Variants in PCDHAC1 observed in about 807,000 individuals in gnomAD.
PCDHAC1 encodes the protein protocadherin alpha-C1.
Under a neutral mutation model 60.0 loss-of-function variants are expected in PCDHAC1, and 42 were observed. That is an observed-to-expected ratio of 0.70 (90% CI 0.55 to 0.90). The LOEUF is 0.90. Among genes scored for constraint, PCDHAC1 ranks in the 40% least tolerant of loss-of-function variants. The probability of loss-of-function intolerance (pLI) is 0.00; values close to 1 mark genes in which losing one functional copy is unlikely to be tolerated. For missense variants in PCDHAC1, 1,160 were observed against 1,222.3 expected (o/e 0.95, Z 0.76); for synonymous variants, 468 against 499.3 (o/e 0.94, Z 0.84).
chr5:141,002,917 T>C (rs572461368), intron 3 of PCDHAC1, among the ~76,000 whole-genome samples: 1 of 152,310 alleles, frequency 6.6e-6, no homozygotes, highest in East Asian at 1.9e-4. Context: ...ATCAGAAAAG[T>C]GAACACCCTC....
chr5:140,979,306 C>T (rs1554240481), intron 2 of PCDHAC1, among the ~76,000 whole-genome samples: 1 of 152,206 alleles, frequency 6.6e-6, no homozygotes, highest in African/African-American at 2.4e-5. Context: ...CTTCATCCCT[C>T]TCTACCTATG....
rs1486746921 is a variant in PCDHAC1 at position 141,009,728 on chromosome 5, G to A, written c.2683G>A (p.Gly895Ser). Residue 895 changes from glycine (G) to serine (S), a missense_variant, in exon 4 of 4, where the codon GGT becomes AGT. Gly to Ser is a moderately conservative substitution (Grantham distance 56). Around this residue, in one of 3 missense-constraint regions of PCDHAC1, gnomAD observed 1,113 missense variants for 1,163.7 expected, o/e 0.96. Coordinates refer to ENST00000253807, the MANE Select transcript of PCDHAC1 (RefSeq NM_018898.5). The part of the protein sequence containing the change: ...GPGNPKQSGP[G>S]ELPDKFIIPG... ...AGGCAACCCCAAACAATCCGGTCCC[G>A]GTGAGTTGCCCGACAAATTCATTAT... The A allele has an allele frequency of 3.1e-6, 5 of 1,613,998 alleles. No homozygotes were observed. The highest frequency in any genetic ancestry group is 2.2e-5 in the East Asian group (1 of 44,874).
At position 140,982,581 on chromosome 5, in the gene PCDHAC1, C is replaced by CT. The variant is rs782248594; in HGVS notation, c.2581+19dup. 2.4e-5 allele frequency: 38 copies of CT among 1,612,216 alleles called. No homozygotes were observed. The Middle Eastern group carries it at 5.0e-4, about 21-fold the overall frequency. ...AACACCAGGTAAAGAGCTGGGGTCT[C>CT]TCCATTCTTTCTTGGTTTCTGGAAA... On this transcript the variant is annotated intron_variant, in intron 3 of 3. Transcript: ENST00000253807.
chr5:140,999,125 G>A (rs1554256627), intron 3 of PCDHAC1, among the ~76,000 whole-genome samples: 1 of 152,152 alleles, frequency 6.6e-6, no homozygotes, highest in Non-Finnish European at 1.5e-5. Context: ...TTCTAAGCTG[G>A]AAAATGTCAC....
intron 1 of PCDHAC1, chr5:140,969,204 C>T (rs1453693936): frequency 3.2e-5 from 51 of 1,613,996 alleles, no homozygotes; most frequent in African/African-American, 1.5e-4. Context: ...AATACAGGGG[C>T]CCAGACAGGA....
At chr5:140,967,435 C>T (rs949116832) in intron 1 of PCDHAC1, 1 of 1,613,532 alleles carries the variant, frequency 6.2e-7, no homozygotes, top group Non-Finnish European at 8.5e-7. Flanking sequence ...CAGCCTTGCA[C>T]CACCTGGTTC....
chr5:140,929,294 G>A lies in PCDHAC1; in HGVS notation c.2402G>A (p.Arg801Lys). 6.3e-7 allele frequency: 1 copy of A among 1,594,058 alleles called. No individual in the cohort carries two copies. Among genetic ancestry groups the A allele is most frequent in the Non-Finnish European group, 8.6e-7 (1 of 1,166,716 alleles). ...LPISCIQIRN[R>K]KGDHANVNAM... ...ATATCCTGTATTCAGATTCGGAATA[G>A]GAAAGGGGATCACGCTAATGTCAAT... is the stretch of plus-strand genomic sequence containing the variant. The change falls in exon 1 of 4, where the codon AGG becomes AAG. Residue 801 changes from arginine (R) to lysine (K), a missense_variant. Transcript: ENST00000253807.
In PCDHAC1 at chr5:140,929,022, C is replaced by T. The variant is rs17844367; in HGVS notation, c.2130C>T (p.Ser710=). 2.5e-6 allele frequency: 4 copies of T among 1,614,172 alleles called. No homozygotes were observed. The highest frequency in any genetic ancestry group is 3.3e-5 in the Admixed American group (2 of 60,022). The change falls in exon 1 of 4, where the codon AGC becomes AGT. Residue 710 remains serine, a synonymous_variant. Transcript: ENST00000253807. ...LFFVCTKLHQ[S]PGCCAQSCCR... is the part of the protein sequence containing the mutation. ...TCGTGTGTACCAAGTTGCACCAGAG[C>T]CCAGGCTGTTGCGCTCAGAGCTGCT...
intron 1 of PCDHAC1, among the ~76,000 whole-genome samples, chr5:140,945,058 C>A (rs939271004): frequency 1.3e-5 from 2 of 151,996 alleles, no homozygotes; most frequent in Non-Finnish European, 2.9e-5. Flanking sequence ...AAAGAAAACC[C>A]TACAGACTCC....
At chr5:140,955,480 C>T (rs940139413) in intron 1 of PCDHAC1, among the ~76,000 whole-genome samples, 3 of 152,088 alleles carry the variant, frequency 2.0e-5, no homozygotes, top group African/African-American at 7.2e-5. Flanking sequence ...GGCACCTCTC[C>T]TTCCTGCCAC....
intron 2 of PCDHAC1, among the ~76,000 whole-genome samples, chr5:140,981,682 C>T (rs2096944253): frequency 6.6e-6 from 1 of 151,668 alleles, no homozygotes; most frequent in South Asian, 2.1e-4. Flanking sequence ...TCCTTCCTCC[C>T]TTCCATCATT....
chr5:140,935,995 C>G (rs1282709145), intron 1 of PCDHAC1, among the ~76,000 whole-genome samples: 1 of 150,774 alleles, frequency 6.6e-6, no homozygotes, highest in African/African-American at 2.4e-5. Context: ...CGGGTTCAAG[C>G]GATTCTCCCA....
chr5:141,008,731 A>G (rs570212555), intron 3 of PCDHAC1, among the ~76,000 whole-genome samples: 88 of 152,328 alleles, frequency 5.8e-4, no homozygotes, highest in Non-Finnish European at 1.0e-3. Flanking sequence ...GTCCAACTAG[A>G]CTGTGAGCAC....
At chr5:140,968,341 C>T in intron 1 of PCDHAC1, 1 of 1,614,132 alleles carries the variant, frequency 6.2e-7, no homozygotes, top group Non-Finnish European at 8.5e-7. Context: ...TCTCCATTAA[C>T]AGTGCCAGTG....
intron 3 of PCDHAC1, among the ~76,000 whole-genome samples, chr5:140,998,062 C>T (rs2097795439): frequency 6.6e-6 from 1 of 152,176 alleles, no homozygotes; most frequent in African/African-American, 2.4e-5. Flanking sequence ...TCATCATCAA[C>T]AGACTTAGCC....
intron 1 of PCDHAC1, among the ~76,000 whole-genome samples, chr5:140,933,324 G>A (rs563163291): frequency 5.3e-5 from 8 of 151,904 alleles, no homozygotes; most frequent in Non-Finnish European, 1.2e-4. Context: ...GTATTCTCCT[G>A]TGCTGTAGAG....
At chr5:140,985,847 C>T (rs1178290779) in intron 3 of PCDHAC1, among the ~76,000 whole-genome samples, 4 of 150,300 alleles carry the variant, frequency 2.7e-5, no homozygotes, top group African/African-American at 7.3e-5. Context: ...TCATGCCACT[C>T]TCCTGCCTCA....
At chr5:140,962,076 G>A (rs2095654806) in intron 1 of PCDHAC1, among the ~76,000 whole-genome samples, 1 of 151,758 alleles carries the variant, frequency 6.6e-6, no homozygotes. Flanking sequence ...TAGTAGAGAC[G>A]GGGTTTCACC....
At chr5:140,993,727 T>C (rs1482867785) in intron 3 of PCDHAC1, among the ~76,000 whole-genome samples, 1 of 152,220 alleles carries the variant, frequency 6.6e-6, no homozygotes, top group Non-Finnish European at 1.5e-5. Context: ...ACCTTTTCTA[T>C]GTTTAGATAC....
Sources: gnomAD v4.1 joint callset for allele counts (sites outside exome capture counted in the v4.1 genomes callset) on GRCh38, gnomAD v4.1.1 for gene constraint, gnomAD v4.1.1 regional missense constraint, MANE v1.5 for transcripts, NCBI Gene and HGNC (gene_info 2026-07-23, HGNC 2026-07-21) for gene names.